Variants in CDC42BPA observed in about 807,000 individuals in gnomAD.
The protein encoded by CDC42BPA is serine/threonine-protein kinase MRCK alpha.
CDC42BPA carries 80 observed loss-of-function variants against 223.5 expected under a neutral mutation model. The ratio of observed to expected loss-of-function variants is 0.36; its 90% CI spans 0.30 to 0.43. The LOEUF is 0.43. Ranked by LOEUF, CDC42BPA falls within the 20% of genes least tolerant of loss-of-function variation. CDC42BPA has a pLI of 1.00. For synonymous variants in CDC42BPA, 694 were observed against 718.6 expected, an observed-to-expected ratio of 0.97 and a Z score of 0.55; for missense variants, 1,743 against 2,099.9, an observed-to-expected ratio of 0.83 and a Z score of 3.32.
intron 5 of CDC42BPA, among the ~76,000 whole-genome samples, chr1:227,169,950 G>A (rs1361566788): frequency 6.6e-6 from 1 of 152,034 alleles, no homozygotes; most frequent in Non-Finnish European, 1.5e-5. Flanking sequence ...TTCTAATTAA[G>A]GCACCCTGAA....
intron 21 of CDC42BPA, among the ~76,000 whole-genome samples, chr1:227,064,168 C>T (rs1288888385): frequency 6.6e-6 from 1 of 152,120 alleles, no homozygotes; most frequent in Non-Finnish European, 1.5e-5. Context: ...CCTTGATTTA[C>T]TCTTTCATCA....
At chr1:227,090,519 T>C (rs1682875006) in intron 16 of CDC42BPA, among the ~76,000 whole-genome samples, 1 of 152,150 alleles carries the variant, frequency 6.6e-6, no homozygotes, top group Non-Finnish European at 1.5e-5. Flanking sequence ...CTGGGCGCAG[T>C]GGCTCATGTG....
At chr1:227,229,492 C>T (rs4653809) in intron 2 of CDC42BPA, among the ~76,000 whole-genome samples, 14,878 of 152,160 alleles carry the variant, frequency 0.098, 1,176 homozygotes, top group East Asian at 0.36. Flanking sequence ...TATTCTGGAA[C>T]TCTCAAATTT....
At chr1:227,124,546 CA>C in intron 11 of CDC42BPA, among the ~76,000 whole-genome samples, 1 of 150,732 alleles carries the variant, frequency 6.6e-6, no homozygotes, top group Middle Eastern at 3.5e-3. Context: ...GGGGAGACTT[CA>C]ATTTGTATTT....
chr1:227,017,485 A>G (rs1471748872), intron 32 of CDC42BPA, among the ~76,000 whole-genome samples: 1 of 152,226 alleles, frequency 6.6e-6, no homozygotes, highest in Non-Finnish European at 1.5e-5. Flanking sequence ...CTGATTTACC[A>G]TAAGTGGTAA....
chr1:227,182,174 G>A (rs566227966), intron 5 of CDC42BPA, among the ~76,000 whole-genome samples: 9 of 152,090 alleles, frequency 5.9e-5, no homozygotes, highest in South Asian at 2.1e-4. Flanking sequence ...ATGGCTCATC[G>A]GTCCTGCACT....
chr1:227,004,715 A>T, intron 35 of CDC42BPA: 2 of 479,344 alleles, frequency 4.2e-6, no homozygotes, highest in South Asian at 4.2e-5. Context: ...CTATTAATGT[A>T]TGCTGTTTAC....
chr1:227,156,036 G>A (rs1396283363), intron 6 of CDC42BPA, among the ~76,000 whole-genome samples: 1 of 151,854 alleles, frequency 6.6e-6, no homozygotes, highest in African/African-American at 2.4e-5. Flanking sequence ...GGGTGATAGA[G>A]CAAGACCCTG....
chr1:227,245,989 A>G (rs1588716), intron 2 of CDC42BPA, among the ~76,000 whole-genome samples: 46,827 of 152,088 alleles, frequency 0.31, 7,384 homozygotes, highest in East Asian at 0.37. Context: ...GTGGGACAGA[A>G]CAAAAGGCAG....
At chr1:227,208,794 C>T (rs1164940242) in intron 3 of CDC42BPA, among the ~76,000 whole-genome samples, 2 of 152,176 alleles carry the variant, frequency 1.3e-5, no homozygotes, top group Non-Finnish European at 2.9e-5. Flanking sequence ...CAGTGTGATG[C>T]CTCCAGCTTT....
rs897218591 is a variant in CDC42BPA at position 227,259,788 on chromosome 1, T to C, written c.179-5633A>G. ...TAATAGCTTAGAAGTAATAGTTTTA[T>C]GTAAATTATGACAACTTGTCCAAAC... is the stretch of plus-strand genomic sequence containing the variant. On this transcript the variant is annotated intron_variant, in intron 1 of 36. Transcript: ENST00000366766. Among the ~76,000 whole-genome samples the C allele has an allele frequency of 4.0e-5, 6 of 151,014 alleles. 1 individual carries two copies. Among genetic ancestry groups the C allele is most frequent in the African/African-American group, 1.5e-4 (6 of 40,324 alleles).
In CDC42BPA at chr1:227,145,727, T is replaced by G; in HGVS notation, c.905A>C (p.Gln302Pro). The G allele has an allele frequency of 6.2e-7, 1 of 1,613,078 alleles. No individual in the cohort carries two copies. Among genetic ancestry groups the G allele is most frequent in the African/African-American group, 1.3e-5 (1 of 75,010 alleles). ...GKIMNHKERF[Q>P]FPAQVTDVSE... ...CACATCAGTCACTTGGGCTGGAAAC[T>G]GAAACCTCTCCTAAACAGAGAAAAA... The change falls in exon 8 of 37, where the codon CAG becomes CCG. Residue 302 changes from glutamine to proline, a missense_variant. Gln to Pro is a moderately conservative substitution (Grantham distance 76). Coordinates refer to ENST00000366766, the MANE Select transcript of CDC42BPA (RefSeq NM_001394014.1).
intron 2 of CDC42BPA, among the ~76,000 whole-genome samples, chr1:227,239,899 T>C (rs1052647531): frequency 1.1e-4 from 17 of 152,074 alleles, no homozygotes; most frequent in African/African-American, 3.9e-4. Context: ...ATTTCAACAC[T>C]GTATTAGAGG....
intron 2 of CDC42BPA, among the ~76,000 whole-genome samples, chr1:227,237,045 CAAAAA>C (rs11447987): frequency 1.2e-5 from 1 of 84,394 alleles, no homozygotes; most frequent in Non-Finnish European, 2.2e-5. Flanking sequence ...CCGGTCTCCA[CAAAAA>C]AAAAAAAAAA....
Position 227,174,190 on chromosome 1 carries a change from C to T in CDC42BPA, c.600-13554G>A, listed in dbSNP as rs1420685411. Among the ~76,000 whole-genome samples the T allele has an allele frequency of 3.3e-5, 5 of 152,080 alleles. No homozygotes were observed. The East Asian group carries it at 7.7e-4, about 23-fold the overall frequency. ...ACATAGCCCACTGTAAGTCGAGGAGCATCCATATAACATTACCTATTCTTT... is the reference window on the plus strand; with the variant it reads ...ACATAGCCCACTGTAAGTCGAGGAGTATCCATATAACATTACCTATTCTTT... On this transcript the variant is annotated intron_variant, in intron 5 of 36. Transcript: ENST00000366766.
chr1:227,269,291 T>C (rs975992722), intron 1 of CDC42BPA, among the ~76,000 whole-genome samples: 19 of 152,234 alleles, frequency 1.2e-4, no homozygotes, highest in African/African-American at 3.1e-4. Flanking sequence ...GGCTCAGATA[T>C]AGGTATTTTA....
chr1:227,266,472 T>C (rs1435014433), intron 1 of CDC42BPA, among the ~76,000 whole-genome samples: 2 of 152,228 alleles, frequency 1.3e-5, no homozygotes, highest in Non-Finnish European at 2.9e-5. Flanking sequence ...TCAAGACTTA[T>C]TTAGTAATAA....
At position 227,150,523 on chromosome 1, in the gene CDC42BPA, C is replaced by T. The variant is rs1473572737; in HGVS notation, c.694-2964G>A. The stretch of plus-strand genomic sequence containing the variant: ...GATACAGAAATGATACATTTTCACA[C>T]AAGACTGAGTAAACTATCGCTAACA... On this transcript the variant is annotated intron_variant, in intron 6 of 36. Coordinates refer to ENST00000366766, the MANE Select transcript of CDC42BPA (RefSeq NM_001394014.1). Among the ~76,000 whole-genome samples, 4 of 152,174 alleles carry T rather than the reference C, an allele frequency of 2.6e-5. No homozygotes were observed. In the South Asian group the frequency reaches 6.2e-4, roughly 24 times the overall value.
chr1:227,313,854 A>T (rs60592061), intron 1 of CDC42BPA, among the ~76,000 whole-genome samples: 46,670 of 151,896 alleles, frequency 0.31, 7,328 homozygotes, highest in East Asian at 0.37. Context: ...TATTAAACAG[A>T]CTATTTTCTA....
Sources: gnomAD v4.1 joint callset for allele counts (sites outside exome capture counted in the v4.1 genomes callset) on GRCh38, gnomAD v4.1.1 for gene constraint, MANE v1.5 for transcripts, NCBI Gene and HGNC (gene_info 2026-07-23, HGNC 2026-07-21) for gene names.